APAF1: variants seen among roughly 807,000 people sequenced by gnomAD.
APAF1 encodes the protein apoptotic protease-activating factor 1.
Under a neutral mutation model 152.4 loss-of-function variants are expected in APAF1, and 91 were observed. The ratio of observed to expected loss-of-function variants is 0.60; its 90% CI spans 0.50 to 0.71. The LOEUF is 0.71. Ranked by LOEUF, APAF1 falls within the 30% of genes least tolerant of loss-of-function variation. APAF1 has a pLI of 0.00. For synonymous variants in APAF1, 484 were observed against 494.1 expected (o/e 0.98, Z 0.27); for missense variants, 1,283 against 1,472.0 (o/e 0.87, Z 2.10).
chr12:98,712,561 A>T, intron 21 of APAF1, 126 bp downstream of exon 21: 1 of 685,608 alleles, frequency 1.5e-6, no homozygotes, highest in Admixed American at 2.1e-5. Context: ...TGTGTCACCC[A>T]CGCTGAGTAC....
Position 98,671,623 on chromosome 12 carries a change from TG to T in APAF1, c.1700del (p.Gly567ValfsTer32). 6.2e-7 allele frequency: 1 copy of T among 1,614,056 alleles called. No homozygotes were observed. The highest frequency in any genetic ancestry group is 8.5e-7 in the Non-Finnish European group (1 of 1,180,002). ...CAGCCATTTCCTAATATTGTACAAC[TG>T]GGTCTCTGTGAGCCGGAAACTTCAG... ...GRQPFPNIVQ[L>X]GLCEPETSEV... On this transcript the variant is annotated frameshift_variant, in exon 12 of 27. Coordinates refer to ENST00000551964, the MANE Select transcript of APAF1 (RefSeq NM_181861.2). LOFTEE classifies it high-confidence loss of function.
At chr12:98,661,198 G>T (rs2097664819) in intron 5 of APAF1, among the ~76,000 whole-genome samples, 1 of 152,050 alleles carries the variant, frequency 6.6e-6, no homozygotes, top group Non-Finnish European at 1.5e-5. Context: ...ACTGCGCTCG[G>T]CCCCTCCTTC....
Position 98,671,705 on chromosome 12 carries a change from T to G in APAF1, c.1779T>G (p.Leu593=). 6.2e-7 allele frequency: 1 copy of G among 1,614,076 alleles called. No individual in the cohort carries two copies. Among genetic ancestry groups the G allele is most frequent in the Non-Finnish European group, 8.5e-7 (1 of 1,179,996 alleles). Residue 593 remains leucine, a synonymous_variant, in exon 12 of 27, where the codon CTT becomes CTG. Transcript: ENST00000551964. ...AGCAGGAGGTCGATAATGGAATGCT[T>G]TACCTGGAATGGATGTAAGTAGGTT... The part of the protein sequence containing the change: ...QAKQEVDNGM[L]YLEWINKKNI...
chr12:98,701,817 T>C (rs1188045278), intron 17 of APAF1, among the ~76,000 whole-genome samples: 1 of 152,244 alleles, frequency 6.6e-6, no homozygotes, highest in East Asian at 1.9e-4. Context: ...TGTTCTTTCT[T>C]TCCAATTCCT....
chr12:98,698,553 A>C (rs529416924), intron 16 of APAF1, among the ~76,000 whole-genome samples: 1 of 152,212 alleles, frequency 6.6e-6, no homozygotes, highest in African/African-American at 2.4e-5. Flanking sequence ...CATGTTTCTT[A>C]GTATATATAA....
intron 16 of APAF1, among the ~76,000 whole-genome samples, chr12:98,692,362 C>T (rs962240097): frequency 3.9e-5 from 6 of 152,040 alleles, no homozygotes; most frequent in Non-Finnish European, 8.8e-5. Flanking sequence ...GGATTACAGG[C>T]GTGAGCCACT....
chr12:98,717,521 A>G (rs1001978321), intron 22 of APAF1, among the ~76,000 whole-genome samples: 4 of 151,944 alleles, frequency 2.6e-5, no homozygotes, highest in Non-Finnish European at 5.9e-5. Flanking sequence ...GATTGCAGGC[A>G]TGCACAACCA....
intron 22 of APAF1, among the ~76,000 whole-genome samples, chr12:98,719,643 C>G (rs1236692019): frequency 1.3e-5 from 2 of 152,000 alleles, no homozygotes; most frequent in Non-Finnish European, 2.9e-5. Flanking sequence ...TAAGCCACCA[C>G]GCCTGGCCAC....
intron 22 of APAF1, among the ~76,000 whole-genome samples, chr12:98,717,370 A>G (rs1324983796): frequency 6.6e-6 from 1 of 151,260 alleles, no homozygotes; most frequent in East Asian, 1.9e-4. Context: ...ACACACACAT[A>G]TAATTTTTTT....
intron 24 of APAF1, 117 bp downstream of exon 24, chr12:98,723,881 TG>T (rs1593116017): frequency 8.8e-7 from 1 of 1,133,362 alleles, no homozygotes; most frequent in African/African-American, 1.5e-5. Flanking sequence ...TTTCATATTT[TG>T]TGATCTTTTG....
intron 21 of APAF1, among the ~76,000 whole-genome samples, chr12:98,713,207 A>G (rs780399310): frequency 2.0e-5 from 3 of 152,308 alleles, no homozygotes; most frequent in South Asian, 2.1e-4. Flanking sequence ...AGTTGGCTGT[A>G]TATTTTTCAG....
At chr12:98,723,560 T>C (rs2097746094) in intron 23 of APAF1, 79 bp from the exon 24 acceptor site, 1 of 1,353,704 alleles carries the variant, frequency 7.4e-7, no homozygotes, top group Non-Finnish European at 1.0e-6. Context: ...TATAGACCTG[T>C]CTTGTAGCTG....
In APAF1 at chr12:98,645,595, C is replaced by T. The variant is rs1023727866; in HGVS notation, c.-282C>T. 6.6e-6 allele frequency: 1 copy of T among 152,336 alleles called. No individual in the cohort carries two copies. The highest frequency in any genetic ancestry group is 2.4e-5 in the African/African-American group (1 of 41,466). The allele number at this position is 152,336 out of a possible 1,614,324, so 9.4% of individuals were successfully genotyped here. A position where few individuals can be genotyped will look rare whatever the true frequency, so the allele number is the denominator to read the frequency against. On this transcript the variant is annotated 5_prime_UTR_variant, in exon 1 of 27. Coordinates refer to ENST00000551964, the MANE Select transcript of APAF1 (RefSeq NM_181861.2). ...CAGGCTGCGTTGGGTGGACGCCCACCTCGCCAACCTTCGGAGGTCCCTGGG... is the reference window on the plus strand; with the variant it reads ...CAGGCTGCGTTGGGTGGACGCCCACTTCGCCAACCTTCGGAGGTCCCTGGG...
intron 20 of APAF1, among the ~76,000 whole-genome samples, chr12:98,711,256 G>T (rs2097727622): frequency 6.6e-6 from 1 of 152,102 alleles, no homozygotes; most frequent in African/African-American, 2.4e-5. Flanking sequence ...TTAAATTTGT[G>T]CAACCTTTCT....
At chr12:98,710,708 G>A (rs536760464) in intron 20 of APAF1, among the ~76,000 whole-genome samples, 1 of 152,336 alleles carries the variant, frequency 6.6e-6, no homozygotes, top group African/African-American at 2.4e-5. Context: ...ACAGGCAAGA[G>A]CTGCCATGCC....
At chr12:98,704,168 T>C (rs2097718801) in intron 18 of APAF1, among the ~76,000 whole-genome samples, 1 of 152,152 alleles carries the variant, frequency 6.6e-6, no homozygotes, top group Admixed American at 6.5e-5. Context: ...TCTCACTGTG[T>C]TGCCCAGGCT....
chr12:98,664,133 C>A (rs2097669216), intron 7 of APAF1, among the ~76,000 whole-genome samples: 1 of 152,126 alleles, frequency 6.6e-6, no homozygotes, highest in Non-Finnish European at 1.5e-5. Context: ...GATCCTCCTG[C>A]CTCAGCCCCC....
At chr12:98,655,830 T>C (rs1321132276) in intron 4 of APAF1, among the ~76,000 whole-genome samples, 1 of 150,616 alleles carries the variant, frequency 6.6e-6, no homozygotes, top group African/African-American at 2.4e-5. Flanking sequence ...GTCGCCCAGG[T>C]TGGAGTGCAG....
chr12:98,654,816 C>CTT (rs758991431), intron 4 of APAF1, among the ~76,000 whole-genome samples: 2,572 of 116,642 alleles, frequency 0.022, 67 homozygotes, highest in African/African-American at 0.074. Context: ...GTAGTATTTT[C>CTT]TTTTTTTTTT....
Sources: gnomAD v4.1 joint callset for allele counts (sites outside exome capture counted in the v4.1 genomes callset) on GRCh38, gnomAD v4.1.1 for gene constraint, MANE v1.5 for transcripts, NCBI Gene and HGNC (gene_info 2026-07-23, HGNC 2026-07-21) for gene names.